PCDHA3: variants seen among roughly 807,000 people sequenced by gnomAD.
PCDHA3 encodes protocadherin alpha 3, also known as protocadherin alpha-3.
A neutral mutation model predicts 62.2 loss-of-function variants in PCDHA3; 41 were observed. The observed-to-expected ratio is 0.66, with a 90% CI of 0.51 to 0.86. The LOEUF is 0.86. Among genes scored for constraint, PCDHA3 ranks in the 40% least tolerant of loss-of-function variants. PCDHA3 has a pLI of 0.00. For missense variants in PCDHA3, 1,304 were observed against 1,241.2 expected (o/e 1.05, Z -0.76); for synonymous variants, 640 against 555.4 (o/e 1.15, Z -2.14).
intron 1 of PCDHA3, among the ~76,000 whole-genome samples, chr5:140,844,589 T>C (rs1779449903): frequency 1.3e-5 from 2 of 149,642 alleles, no homozygotes; most frequent in East Asian, 3.9e-4. Flanking sequence ...TAAAGTGATA[T>C]TTAATATATG....
At chr5:140,873,310 G>A (rs2054217209) in intron 1 of PCDHA3, among the ~76,000 whole-genome samples, 1 of 152,176 alleles carries the variant, frequency 6.6e-6, no homozygotes, top group Admixed American at 6.6e-5. Context: ...TAATAAAGGT[G>A]AATATTAGAT....
At chr5:140,869,628 T>TGAGTATTTTTCTTTA in intron 1 of PCDHA3, 1 of 1,613,700 alleles carries the variant, frequency 6.2e-7, no homozygotes, top group Non-Finnish European at 8.5e-7. Flanking sequence ...TAAGTAAAAA[T>TGAGTATTTTTCTTTA]GAGTATTTTT....
intron 1 of PCDHA3, among the ~76,000 whole-genome samples, chr5:140,952,753 A>T (rs782624078): frequency 4.6e-5 from 7 of 152,194 alleles, no homozygotes; most frequent in Non-Finnish European, 1.0e-4. Context: ...CTATAAAAAC[A>T]CCTGAGACTG....
intron 1 of PCDHA3, chr5:140,854,273 T>C (rs1180521058): frequency 1.8e-6 from 1 of 562,180 alleles, no homozygotes; most frequent in Non-Finnish European, 2.3e-6. Flanking sequence ...TTAGTAGAAA[T>C]TGAGTTTAGT....
chr5:140,805,460 T>C, intron 1 of PCDHA3: 1 of 1,017,676 alleles, frequency 9.8e-7, no homozygotes, highest in Non-Finnish European at 1.2e-6. Flanking sequence ...TTTGTGTGAG[T>C]GTAGTTCTTC....
chr5:140,979,197 T>C (rs954222917), intron 2 of PCDHA3, among the ~76,000 whole-genome samples, 190 bp downstream of exon 2: 2 of 152,214 alleles, frequency 1.3e-5, no homozygotes, highest in Non-Finnish European at 2.9e-5. Flanking sequence ...CAGATGCTTA[T>C]CAAGTGCTGG....
intron 1 of PCDHA3, among the ~76,000 whole-genome samples, chr5:140,955,464 T>C (rs563782102): frequency 2.0e-5 from 3 of 152,218 alleles, no homozygotes; most frequent in South Asian, 2.1e-4. Context: ...TTTTTCCTTT[T>C]TGCTTGGCAC....
chr5:140,970,286 C>A (rs2096395973), intron 1 of PCDHA3, among the ~76,000 whole-genome samples: 2 of 152,174 alleles, frequency 1.3e-5, no homozygotes, highest in Admixed American at 6.5e-5. Context: ...GTAGCCTTTT[C>A]AAGTCCTTCA....
chr5:140,963,496 A>C (rs1554226617), intron 1 of PCDHA3, among the ~76,000 whole-genome samples: 2 of 152,232 alleles, frequency 1.3e-5, no homozygotes, highest in African/African-American at 2.4e-5. Context: ...TGAGGAAACA[A>C]ATCTCTTGAA....
chr5:140,831,196 T>TG (rs2150105872), intron 1 of PCDHA3: 1 of 152,356 alleles, frequency 6.6e-6, no homozygotes, highest in South Asian at 2.1e-4. Flanking sequence ...TTAGACCTTG[T>TG]GATCAAGTAA....
At chr5:140,809,291 A>G (rs782054971) in intron 1 of PCDHA3, 3 of 1,613,936 alleles carry the variant, frequency 1.9e-6, no homozygotes, top group African/African-American at 1.3e-5. Context: ...ATACCTGATC[A>G]TTGCCATCTG....
In PCDHA3 at chr5:140,849,941, T is replaced by G. The variant is rs2150458780; in HGVS notation, c.2394+46350T>G. The G allele has an allele frequency of 0.63, 1,006,911 of 1,597,380 alleles. 351,403 individuals carry two copies. Among genetic ancestry groups the G allele is most frequent in the African/African-American group, 0.85 (63,094 of 74,394 alleles). Reference sequence around the variant, plus strand: ...TCTTCACGGTGTCTGCGCGGGACGCTGACGCGCAGGAGAACGCCCTGGTGT... The same window carrying G: ...TCTTCACGGTGTCTGCGCGGGACGCGGACGCGCAGGAGAACGCCCTGGTGT... On this transcript the variant is annotated intron_variant, in intron 1 of 3. Coordinates refer to ENST00000522353, the MANE Select transcript of PCDHA3 (RefSeq NM_018906.3).
intron 1 of PCDHA3, chr5:140,824,068 A>C (rs781864798): frequency 1.2e-6 from 2 of 1,614,142 alleles, no homozygotes. Flanking sequence ...AGCTCCACCC[A>C]AAACAGACCT....
intron 1 of PCDHA3, among the ~76,000 whole-genome samples, chr5:140,855,047 T>C (rs1426970366): frequency 1.3e-5 from 2 of 149,978 alleles, no homozygotes; most frequent in African/African-American, 2.4e-5. Flanking sequence ...TCTGTAATAG[T>C]ACTTTTCTGT....
chr5:140,973,719 C>T (rs1184460895), intron 1 of PCDHA3, among the ~76,000 whole-genome samples: 8 of 152,228 alleles, frequency 5.3e-5, no homozygotes, highest in African/African-American at 1.7e-4. Flanking sequence ...TGAGCCATCA[C>T]ATGGGCATCT....
At chr5:140,933,527 A>G (rs1324786303) in intron 1 of PCDHA3, among the ~76,000 whole-genome samples, 1 of 152,060 alleles carries the variant, frequency 6.6e-6, no homozygotes, top group African/African-American at 2.4e-5. Flanking sequence ...TTTTGTTTAA[A>G]CTCAAAATAA....
At position 140,883,003 on chromosome 5, in the gene PCDHA3, C is replaced by G. The variant is rs781977743; in HGVS notation, c.2394+79412C>G. 3.1e-6 allele frequency: 5 copies of G among 1,613,932 alleles called. No homozygotes were observed. The African/African-American group carries it at 5.3e-5, about 17-fold the overall frequency. On this transcript the variant is annotated intron_variant, in intron 1 of 3. Coordinates refer to ENST00000522353, the MANE Select transcript of PCDHA3 (RefSeq NM_018906.3). ...ACAACGCCCCGGAATTTTACCAATC[C>G]GTTTATAAAGTGACGGTGTTAGAGA... is the stretch of plus-strand genomic sequence containing the variant.
intron 1 of PCDHA3, chr5:140,857,801 G>A: frequency 6.3e-7 from 1 of 1,597,726 alleles, no homozygotes; most frequent in Non-Finnish European, 8.6e-7. Flanking sequence ...GCGGTCGGTG[G>A]TTGCGGGTCA....
In PCDHA3 at chr5:140,801,222, C is replaced by A. The variant is rs781901922; in HGVS notation, c.25C>A (p.Pro9Thr). The change falls in exon 1 of 4, where the codon CCT (proline) becomes ACT (threonine). Residue 9 changes from proline to threonine, a missense_variant. Pro to Thr is a conservative substitution (Grantham distance 38, BLOSUM62 -1). Transcript: ENST00000522353. The part of the protein sequence containing the change: MLFSWRED[P>T]GAQCLLLSLL... ...AATGTTGTTCTCCTGGCGAGAAGAT[C>A]CTGGAGCCCAGTGCCTGCTGCTTTC... The A allele has an allele frequency of 6.2e-7, 1 of 1,610,296 alleles. No individual in the cohort carries two copies. Among genetic ancestry groups the A allele is most frequent in the Non-Finnish European group, 8.5e-7 (1 of 1,177,592 alleles).
Sources: allele counts gnomAD v4.1 joint callset (sites outside exome capture counted in the v4.1 genomes callset), GRCh38; gene constraint gnomAD v4.1.1; transcripts MANE v1.5; gene names NCBI Gene and HGNC (gene_info 2026-07-23, HGNC 2026-07-21).